HMGCLL1: variants seen among roughly 807,000 people sequenced by gnomAD.
HMGCLL1 encodes the protein 3-hydroxy-3-methylglutaryl-CoA lyase like 1.
Under a neutral mutation model 39.1 loss-of-function variants are expected in HMGCLL1, and 36 were observed. The ratio of observed to expected loss-of-function variants is 0.92; its 90% CI spans 0.71 to 1.22. HMGCLL1 has a LOEUF of 1.22. Among genes scored for constraint, HMGCLL1 ranks in the 50% most tolerant of loss-of-function variants. The pLI, the probability that HMGCLL1 is intolerant of heterozygous loss-of-function variation, is 0.00. For synonymous variants in HMGCLL1, 149 were observed against 144.0 expected, an observed-to-expected ratio of 1.03 and a Z score of -0.25; for missense variants, 451 against 416.5, an observed-to-expected ratio of 1.08 and a Z score of -0.72.
the HMGCLL1 span, among the ~76,000 whole-genome samples, chr6:55,602,388 C>T: frequency 3.2e-3 from 483 of 152,148 alleles, 4 homozygotes; most frequent in African/African-American, 0.011. Context: ...TCCTTTAAAT[C>T]ATGATCTTAA....
chr6:55,612,584 T>C, the HMGCLL1 span, among the ~76,000 whole-genome samples: 1 of 152,136 alleles, frequency 6.6e-6, no homozygotes, highest in African/African-American at 2.4e-5. Flanking sequence ...AACAGCATGG[T>C]ACTGGTACCA....
At chr6:55,620,439 TA>T in the HMGCLL1 span, among the ~76,000 whole-genome samples, 1 of 152,228 alleles carries the variant, frequency 6.6e-6, no homozygotes, top group African/African-American at 2.4e-5. Flanking sequence ...ATTTCTCTGA[TA>T]ATCAATAATG....
chr6:55,488,162 T>A (rs111329460), intron 7 of HMGCLL1, among the ~76,000 whole-genome samples: 1,933 of 152,142 alleles, frequency 0.013, 25 homozygotes, highest in Middle Eastern at 0.068. Context: ...GGACAGAGGG[T>A]ACTATGATTT....
intron 3 of HMGCLL1, among the ~76,000 whole-genome samples, chr6:55,530,250 TA>T (rs1768585651): frequency 6.6e-6 from 1 of 152,176 alleles, no homozygotes; most frequent in African/African-American, 2.4e-5. Flanking sequence ...GTATTAGTGC[TA>T]TAAGGTTATT....
At chr6:55,496,272 A>G (rs1245781364) in intron 6 of HMGCLL1, among the ~76,000 whole-genome samples, 1 of 152,152 alleles carries the variant, frequency 6.6e-6, no homozygotes. Flanking sequence ...ATACTAATCT[A>G]TTTTTCTCAT....
the HMGCLL1 span, among the ~76,000 whole-genome samples, chr6:55,646,794 CTTGTT>C: frequency 2.0e-5 from 3 of 151,958 alleles, no homozygotes; most frequent in African/African-American, 7.2e-5. Flanking sequence ...TCTTTTAAGA[CTTGTT>C]TTGTGATCTA....
At chr6:55,609,901 C>A in the HMGCLL1 span, among the ~76,000 whole-genome samples, 1 of 152,104 alleles carries the variant, frequency 6.6e-6, no homozygotes, top group African/African-American at 2.4e-5. Context: ...CCCAGATGAA[C>A]AGGGCCCGAA....
At chr6:55,449,124 A>G (rs1226756737) in intron 7 of HMGCLL1, among the ~76,000 whole-genome samples, 3 of 152,148 alleles carry the variant, frequency 2.0e-5, no homozygotes, top group Non-Finnish European at 4.4e-5. Context: ...CATTGTGAAA[A>G]TTTCTAACCT....
At chr6:55,470,550 A>G (rs1382886062) in intron 7 of HMGCLL1, among the ~76,000 whole-genome samples, 2 of 151,840 alleles carry the variant, frequency 1.3e-5, no homozygotes, top group Non-Finnish European at 2.9e-5. Flanking sequence ...TAACTTTTAG[A>G]TTTCTGCTAC....
At chr6:55,479,044 T>C (rs181705238) in intron 7 of HMGCLL1, among the ~76,000 whole-genome samples, 5 of 151,694 alleles carry the variant, frequency 3.3e-5, no homozygotes, top group Non-Finnish European at 5.9e-5. Context: ...TATGCACAGC[T>C]TTAAGTAGTT....
At chr6:55,461,389 A>G (rs796672216) in intron 7 of HMGCLL1, among the ~76,000 whole-genome samples, 1 of 152,020 alleles carries the variant, frequency 6.6e-6, no homozygotes, top group African/African-American at 2.4e-5. Flanking sequence ...CAAGTAAAAT[A>G]ATACTATGTC....
chr6:55,580,681 C>T (rs939922706), upstream of HMGCLL1, among the ~76,000 whole-genome samples: 2 of 152,092 alleles, frequency 1.3e-5, no homozygotes, highest in Non-Finnish European at 2.9e-5. Context: ...TCCCAAAGTG[C>T]TGGGATTACA....
intron 5 of HMGCLL1, among the ~76,000 whole-genome samples, chr6:55,501,937 T>C (rs1003617717): frequency 4.6e-5 from 7 of 151,814 alleles, no homozygotes; most frequent in African/African-American, 1.7e-4. Flanking sequence ...GATTGCCTGG[T>C]GGTTAAGTTT....
chr6:55,527,018 G>A (rs1263356040), intron 3 of HMGCLL1, among the ~76,000 whole-genome samples: 4 of 151,980 alleles, frequency 2.6e-5, no homozygotes, highest in African/African-American at 9.7e-5. Flanking sequence ...TGCAAAAGCT[G>A]GGCAGGGACC....
At chr6:55,625,130 G>A in the HMGCLL1 span, among the ~76,000 whole-genome samples, 17 of 152,176 alleles carry the variant, frequency 1.1e-4, no homozygotes, top group South Asian at 6.2e-4. Context: ...AGGCCCAGCC[G>A]TCTTCTGCAG....
the HMGCLL1 span, among the ~76,000 whole-genome samples, chr6:55,616,166 A>C: frequency 4.6e-5 from 7 of 152,196 alleles, no homozygotes; most frequent in East Asian, 1.4e-3. Flanking sequence ...AGACTTGGGA[A>C]CAATTTCCCC....
At chr6:55,457,945 G>C (rs1764397812) in intron 7 of HMGCLL1, among the ~76,000 whole-genome samples, 1 of 152,148 alleles carries the variant, frequency 6.6e-6, no homozygotes, top group African/African-American at 2.4e-5. Context: ...GGGAGGAAGA[G>C]AGAAGGATGC....
chr6:55,656,747 T>C, the HMGCLL1 span, among the ~76,000 whole-genome samples: 5 of 151,998 alleles, frequency 3.3e-5, no homozygotes, highest in Non-Finnish European at 5.9e-5. Flanking sequence ...AAGCAGTTTA[T>C]CCATTGAAAG....
At chr6:55,586,943 T>C in the HMGCLL1 span, among the ~76,000 whole-genome samples, 1 of 152,150 alleles carries the variant, frequency 6.6e-6, no homozygotes, top group Non-Finnish European at 1.5e-5. Flanking sequence ...ACGGTATTTC[T>C]AGTTCTAGAT....
Sources: gnomAD v4.1 joint callset for allele counts (sites outside exome capture counted in the v4.1 genomes callset) on GRCh38, gnomAD v4.1.1 for gene constraint, MANE v1.5 for transcripts, NCBI Gene and HGNC (gene_info 2026-07-23, HGNC 2026-07-21) for gene names.